Variants in A2ML1 observed in about 807,000 individuals in gnomAD.
A2ML1 encodes the protein alpha-2-macroglobulin-like protein 1.
A neutral mutation model predicts 181.9 loss-of-function variants in A2ML1; 161 were observed. The observed-to-expected ratio is 0.89, with a 90% CI of 0.78 to 1.01. The LOEUF (loss-of-function observed/expected upper bound fraction) is 1.01. A2ML1 is among the 50% of genes least tolerant of loss of function. A2ML1 has a pLI of 0.00. For missense variants in A2ML1, 1,670 were observed against 1,768.1 expected, an observed-to-expected ratio of 0.94 and a Z score of 1.00; for synonymous variants, 663 against 666.8, an observed-to-expected ratio of 0.99 and a Z score of 0.09.
At chr12:8,883,307 A>G (rs1349312297) in intron 7 of A2ML1, among the ~76,000 whole-genome samples, 2 of 151,870 alleles carry the variant, frequency 1.3e-5, no homozygotes, top group East Asian at 3.9e-4. Context: ...CCCATTATCT[A>G]TTCTCTTTAT....
At chr12:8,859,993 C>T (rs1379152660) in intron 26 of A2ML1, among the ~76,000 whole-genome samples, 1 of 152,142 alleles carries the variant, frequency 6.6e-6, no homozygotes, top group South Asian at 2.1e-4. Context: ...AGTCCTGCTG[C>T]AGATGAGCCA....
intron 33 of A2ML1, among the ~76,000 whole-genome samples, chr12:8,870,414 C>A (rs907256189): frequency 6.6e-6 from 1 of 152,130 alleles, no homozygotes; most frequent in African/African-American, 2.4e-5. Flanking sequence ...ACCACATGCG[C>A]CCGCCACCAT....
Position 8,861,220 on chromosome 12 carries a change from A to G in A2ML1, c.3425A>G (p.Tyr1142Cys), listed in dbSNP as rs1249767959. 2 of 1,614,034 alleles carry G rather than the reference A, an allele frequency of 1.2e-6. No homozygotes were observed. Among genetic ancestry groups the G allele is most frequent in the African/African-American group, 1.3e-5 (1 of 74,900 alleles). ...CTCTACACACAGGCCCTGTTGGCTT[A>G]CATTTTCTCCCTGGCTGGGGAAATG... is the stretch of plus-strand genomic sequence containing the variant. ...TNLYTQALLA[Y>C]IFSLAGEMDI... The change falls in exon 28 of 36, where the codon TAC (tyrosine) becomes TGC (cysteine). Residue 1142 changes from tyrosine (Y) to cysteine (C), a missense_variant. Coordinates refer to ENST00000299698, the MANE Select transcript of A2ML1 (RefSeq NM_144670.6).
Position 8,848,706 on chromosome 12 carries a change from C to T in A2ML1, c.1834-14C>T. On this transcript the variant is annotated splice_polypyrimidine_tract_variant and intron_variant, in intron 15 of 35. Coordinates refer to ENST00000299698, the MANE Select transcript of A2ML1 (RefSeq NM_144670.6). ...TATATCAATGCTTTATTTCCTCTCC[C>T]CCTCTTGTCCCAGGTCTATGGGATG... The T allele has an allele frequency of 3.2e-6, 5 of 1,578,212 alleles. No homozygotes were observed. The highest frequency in any genetic ancestry group is 4.3e-6 in the Non-Finnish European group (5 of 1,161,826).
intron 22 of A2ML1, among the ~76,000 whole-genome samples, chr12:8,855,173 G>C (rs1057323029): frequency 3.9e-5 from 6 of 152,128 alleles, no homozygotes; most frequent in African/African-American, 1.4e-4. Flanking sequence ...GATTACAGGC[G>C]TGAGCCACTG....
intron 7 of A2ML1, among the ~76,000 whole-genome samples, chr12:8,881,928 G>A (rs922035163): frequency 2.6e-5 from 4 of 151,802 alleles, no homozygotes; most frequent in African/African-American, 7.3e-5. Flanking sequence ...GGAGAATGGC[G>A]TGAACCTGGG....
intron 4 of A2ML1, among the ~76,000 whole-genome samples, chr12:8,834,031 T>C (rs1943197203): frequency 6.6e-6 from 1 of 152,024 alleles, no homozygotes; most frequent in Admixed American, 6.6e-5. Context: ...CTTTGCAGTC[T>C]CTCTGAGCCC....
intron 5 of A2ML1, 112 bp from the exon 6 acceptor site, chr12:8,835,395 C>A: frequency 7.5e-7 from 1 of 1,331,670 alleles, no homozygotes; most frequent in Non-Finnish European, 1.1e-6. Flanking sequence ...CCACAGGGGT[C>A]ATGAACAATG....
intron 17 of A2ML1, 73 bp from the exon 18 acceptor site, chr12:8,850,087 C>T (rs984267981): frequency 1.6e-5 from 19 of 1,171,152 alleles, no homozygotes; most frequent in Non-Finnish European, 2.3e-5. Context: ...TTCTAGTAAT[C>T]CCTCCATCCC....
chr12:8,837,614 G>C (rs1225929382), intron 8 of A2ML1, 48 bp downstream of exon 8: 1 of 1,549,934 alleles, frequency 6.5e-7, no homozygotes, highest in East Asian at 2.4e-5. Flanking sequence ...AGGCACGGTG[G>C]CTCACGCCTG....
intron 3 of A2ML1, among the ~76,000 whole-genome samples, chr12:8,828,764 T>C (rs1434269064): frequency 6.6e-6 from 1 of 152,228 alleles, no homozygotes; most frequent in Non-Finnish European, 1.5e-5. Context: ...CGACAAGTAC[T>C]GCCCAGCTAT....
chr12:8,857,047 A>G (rs745410782), intron 23 of A2ML1, 117 bp from the exon 24 acceptor site: 14 of 1,054,054 alleles, frequency 1.3e-5, no homozygotes, highest in East Asian at 2.4e-5. Flanking sequence ...CGCCCGGCCC[A>G]TAGTAGGTAC....
At chr12:8,845,644 G>C in intron 13 of A2ML1, 142 bp downstream of exon 13, 1 of 745,962 alleles carries the variant, frequency 1.3e-6, no homozygotes, top group South Asian at 1.8e-5. Context: ...TCGGGAGATC[G>C]AGACCATCTT....
chr12:8,882,005 T>C (rs1198148674), intron 7 of A2ML1, among the ~76,000 whole-genome samples: 1 of 150,518 alleles, frequency 6.6e-6, no homozygotes, highest in Non-Finnish European at 1.5e-5. Flanking sequence ...AGCGAGACTC[T>C]GTCTCAAAAA....
At chr12:8,867,049 T>C (rs747815302) in intron 29 of A2ML1, among the ~76,000 whole-genome samples, 4 of 152,196 alleles carry the variant, frequency 2.6e-5, no homozygotes, top group Non-Finnish European at 5.9e-5. Flanking sequence ...TGTCACATGG[T>C]ATAATGGCTA....
At chr12:8,869,345 C>A in intron 33 of A2ML1, 142 bp downstream of exon 33, 1 of 794,406 alleles carries the variant, frequency 1.3e-6, no homozygotes, top group East Asian at 2.5e-5. Flanking sequence ...AGTTCTGCCT[C>A]CATGCTGGTA....
rs749323290 is a variant in A2ML1 at position 8,843,355 on chromosome 12, C to G, written c.1470C>G (p.Ser490=). Residue 490 remains serine, a synonymous_variant, in exon 12 of 36, where the codon TCC becomes TCG. Coordinates refer to ENST00000299698, the MANE Select transcript of A2ML1 (RefSeq NM_144670.6). ...DASPDQEISF[S]YYLIGKGSLV... ...GCCCTGACCAAGAGATCAGCTTCTCCTACTATGTGAGACCGGGAAACGGGG... is the reference window on the plus strand; with the variant it reads ...GCCCTGACCAAGAGATCAGCTTCTCGTACTATGTGAGACCGGGAAACGGGG... 6.2e-7 allele frequency: 1 copy of G among 1,613,358 alleles called. No homozygotes were observed. Among genetic ancestry groups the G allele is most frequent in the South Asian group, 1.1e-5 (1 of 91,070 alleles).
intron 5 of A2ML1, chr12:8,835,011 T>C (rs756504573): frequency 6.7e-5 from 24 of 356,002 alleles, no homozygotes; most frequent in Non-Finnish European, 9.6e-5. Flanking sequence ...GCCCTTGCCA[T>C]AGGCATTCTC....
intron 26 of A2ML1, 147 bp from the exon 27 acceptor site, chr12:8,860,733 GA>G (rs1944226456): frequency 1.5e-6 from 1 of 677,648 alleles, no homozygotes; most frequent in Non-Finnish European, 2.5e-6. Context: ...TGGAGCTGCA[GA>G]AAGCCTGTGG....
Sources: gnomAD v4.1 joint callset for allele counts (sites outside exome capture counted in the v4.1 genomes callset) on GRCh38, gnomAD v4.1.1 for gene constraint, MANE v1.5 for transcripts, NCBI Gene and HGNC (gene_info 2026-07-23, HGNC 2026-07-21) for gene names.